The following PIP5K1B variants were observed in gnomAD, a reference collection of about 807,000 sequenced individuals.
PIP5K1B encodes the protein phosphatidylinositol 4-phosphate 5-kinase type-1 beta.
In PIP5K1B, 42 loss-of-function variants were observed where a neutral mutation model predicts 67.0. The ratio of observed to expected loss-of-function variants is 0.63; its 90% confidence interval spans 0.49 to 0.81. The LOEUF (loss-of-function observed/expected upper bound fraction) is 0.81. Ranked by LOEUF, PIP5K1B falls within the 30% of genes least tolerant of loss-of-function variation. The pLI, the probability that PIP5K1B is intolerant of heterozygous loss-of-function variation, is 0.00. For missense variants in PIP5K1B, 459 were observed against 646.3 expected (o/e 0.71, Z 3.14); for synonymous variants, 214 against 231.4 (o/e 0.92, Z 0.68).
At chr9:68,921,312 T>TAA (rs879631642) in intron 11 of PIP5K1B, among the ~76,000 whole-genome samples, 1 of 144,510 alleles carries the variant, frequency 6.9e-6, no homozygotes, top group Non-Finnish European at 1.5e-5. Flanking sequence ...ATTTTTTAAT[T>TAA]AAAAAAAAAA....
intron 14 of PIP5K1B, among the ~76,000 whole-genome samples, chr9:68,947,427 T>C (rs1326863417): frequency 6.6e-6 from 1 of 152,130 alleles, no homozygotes; most frequent in African/African-American, 2.4e-5. Context: ...CCTGCCACCT[T>C]CTCATCCAAC....
At chr9:68,845,512 A>G (rs7874714) in intron 4 of PIP5K1B, among the ~76,000 whole-genome samples, 47,754 of 151,956 alleles carry the variant, frequency 0.31, 7,644 homozygotes, top group East Asian at 0.39. Flanking sequence ...CTCCGGGAAC[A>G]GGAGAAACAT....
Position 68,814,961 on chromosome 9 carries a change from A to C in PIP5K1B, c.-85-3500A>C, listed in dbSNP as rs149902374. Among the ~76,000 whole-genome samples the C allele has an allele frequency of 3.3e-5, 5 of 152,220 alleles. No individual in the cohort carries two copies. In the East Asian group the frequency reaches 7.7e-4, roughly 23 times the overall value. ...TTTTGTCTATAGAAGGTTTACAAAA[A>C]TCTATTTCTATGGCCACAGGAAAAA... On this transcript the variant is annotated intron_variant, in intron 2 of 15. Transcript: ENST00000265382.
intron 2 of PIP5K1B, among the ~76,000 whole-genome samples, chr9:68,745,122 C>T (rs1829223207): frequency 6.6e-6 from 1 of 152,204 alleles, no homozygotes; most frequent in Non-Finnish European, 1.5e-5. Flanking sequence ...GGCAGAAGTC[C>T]CAAACAAGGT....
intron 4 of PIP5K1B, among the ~76,000 whole-genome samples, chr9:68,857,012 G>A (rs1284471035): frequency 6.6e-6 from 1 of 152,218 alleles, no homozygotes; most frequent in African/African-American, 2.4e-5. Context: ...GAGAAGATCA[G>A]AGTCACAGAA....
chr9:68,826,025 T>C (rs1490464137), intron 4 of PIP5K1B, among the ~76,000 whole-genome samples: 2 of 152,248 alleles, frequency 1.3e-5, no homozygotes, highest in East Asian at 1.9e-4. Flanking sequence ...GACCATTTCC[T>C]GAATCCATTC....
chr9:68,735,289 T>C (rs1828669872), intron 1 of PIP5K1B, among the ~76,000 whole-genome samples: 1 of 150,548 alleles, frequency 6.6e-6, no homozygotes, highest in Non-Finnish European at 1.5e-5. Context: ...TAATACTTTA[T>C]TCAGATTTGC....
chr9:69,008,919 G>T lies in PIP5K1B; in HGVS notation c.*470G>T. The T allele has an allele frequency of 1.3e-5, 2 of 158,598 alleles. No individual in the cohort carries two copies. The highest frequency in any genetic ancestry group is 6.0e-5 in the Admixed American group (1 of 16,602). The allele number at this position is 158,598 out of a possible 1,614,324, so 9.8% of individuals were successfully genotyped here. On this transcript the variant is annotated 3_prime_UTR_variant, in exon 16 of 16. Transcript: ENST00000265382. ...GTTCATGTCATTGAAAGTTTAAATT[G>T]GTTTCATTTAAAGATCAATATACTA...
intron 4 of PIP5K1B, among the ~76,000 whole-genome samples, chr9:68,840,125 C>G (rs1234550815): frequency 6.6e-6 from 1 of 152,158 alleles, no homozygotes; most frequent in African/African-American, 2.4e-5. Flanking sequence ...GCCTGTAATC[C>G]CAGCACGTTG....
At chr9:68,857,418 C>G (rs930015239) in intron 4 of PIP5K1B, among the ~76,000 whole-genome samples, 18 of 152,194 alleles carry the variant, frequency 1.2e-4, no homozygotes, top group African/African-American at 4.1e-4. Context: ...TGCAATCTCT[C>G]TCTCTTTTTC....
chr9:68,978,207 A>G (rs933007817), intron 14 of PIP5K1B, among the ~76,000 whole-genome samples: 3 of 152,202 alleles, frequency 2.0e-5, no homozygotes, highest in Non-Finnish European at 4.4e-5. Flanking sequence ...ATTATTAACT[A>G]TGGTCACCAC....
intron 2 of PIP5K1B, among the ~76,000 whole-genome samples, chr9:68,747,372 GTTA>G: frequency 6.6e-6 from 1 of 151,782 alleles, no homozygotes; most frequent in South Asian, 2.1e-4. Context: ...TTGTTGGTTA[GTTA>G]TTACTGCCAC....
chr9:68,796,830 C>A lies in PIP5K1B; in HGVS notation c.-85-21631C>A, dbSNP rs770302005. ...CCGTTTCCGTCTTTCATAGCTATGG[C>A]AACTTGAGATCCCATGTTTTCTAGG... is the stretch of plus-strand genomic sequence containing the variant. On this transcript the variant is annotated intron_variant, in intron 2 of 15. Transcript: ENST00000265382. Among the ~76,000 whole-genome samples the A allele has an allele frequency of 1.0e-3, 159 of 152,210 alleles. 1 individual carries two copies. The highest frequency in any genetic ancestry group is 2.0e-3 in the Non-Finnish European group (135 of 68,028).
chr9:68,733,461 T>C (rs1252835830), intron 1 of PIP5K1B, among the ~76,000 whole-genome samples: 1 of 151,926 alleles, frequency 6.6e-6, no homozygotes, highest in Non-Finnish European at 1.5e-5. Context: ...TTTTTAAAAT[T>C]GCTCTTTCCC....
At chr9:68,717,574 G>A (rs990587309) in intron 1 of PIP5K1B, among the ~76,000 whole-genome samples, 1 of 152,138 alleles carries the variant, frequency 6.6e-6, no homozygotes, top group African/African-American at 2.4e-5. Flanking sequence ...GCTTACAGAT[G>A]GCAAACTTCT....
chr9:69,008,427 T>A lies in PIP5K1B; in HGVS notation c.1621-20T>A. The A allele has an allele frequency of 6.2e-7, 1 of 1,613,430 alleles. No homozygotes were observed. The highest frequency in any genetic ancestry group is 2.2e-5 in the East Asian group (1 of 44,874). On this transcript the variant is annotated intron_variant, in intron 15 of 15. Transcript: ENST00000265382. ...TGATGCCAAAATCTAGTCTCACACC[T>A]GCTTTTTTGCTCCCCCCAGTAAGTG...
At chr9:68,724,700 T>A (rs1828069807) in intron 1 of PIP5K1B, among the ~76,000 whole-genome samples, 1 of 152,156 alleles carries the variant, frequency 6.6e-6, no homozygotes, top group African/African-American at 2.4e-5. Flanking sequence ...TAAGTGGGGT[T>A]GCTTTCTTGA....
rs1564233692 is a variant in PIP5K1B at position 68,919,509 on chromosome 9, G to A, written c.1014G>A (p.Arg338=). 1.3e-6 allele frequency: 2 copies of A among 1,599,606 alleles called. No individual in the cohort carries two copies. The highest frequency in any genetic ancestry group is 1.1e-5 in the South Asian group (1 of 88,914). ...GAGGCATTCCAGCTAAAAGCCATAG[G>A]GGAGAAAAACTACTTTTATTTATGG... ...TMGGIPAKSH[R]GEKLLLFMGI... is the part of the protein sequence containing the mutation. The change falls in exon 10 of 16, where the codon AGG becomes AGA. Residue 338 remains arginine (R), a synonymous_variant. Coordinates refer to ENST00000265382, the MANE Select transcript of PIP5K1B (RefSeq NM_003558.4).
intron 4 of PIP5K1B, among the ~76,000 whole-genome samples, chr9:68,829,073 G>T (rs898826628): frequency 6.6e-6 from 1 of 152,250 alleles, no homozygotes; most frequent in African/African-American, 2.4e-5. Context: ...CTGCACTCCA[G>T]CCTGGGCGAC....
Sources: allele counts gnomAD v4.1 joint callset (sites outside exome capture counted in the v4.1 genomes callset), GRCh38; gene constraint gnomAD v4.1.1; transcripts MANE v1.5; gene names NCBI Gene and HGNC (gene_info 2026-07-23, HGNC 2026-07-21).